Variants in SOX6 observed in about 807,000 individuals in gnomAD.
SOX6 encodes transcription factor SOX-6.
Under a neutral mutation model 97.8 loss-of-function variants are expected in SOX6, and 11 were observed. The ratio of observed to expected loss-of-function variants is 0.11; its 90% CI spans 0.07 to 0.19. The LOEUF is 0.19. Ranked by LOEUF, SOX6 falls within the 10% of genes least tolerant of loss-of-function variation. The pLI is 1.00. For missense variants in SOX6, 810 were observed against 1,039.5 expected (o/e 0.78, Z 3.04); for synonymous variants, 360 against 371.4 (o/e 0.97, Z 0.35).
At chr11:16,175,535 AC>A (rs1478902612) in intron 6 of SOX6, among the ~76,000 whole-genome samples, 1 of 151,936 alleles carries the variant, frequency 6.6e-6, no homozygotes, top group Non-Finnish European at 1.5e-5. Context: ...TAAATTACAT[AC>A]ATTCCGAAAT....
intron 4 of SOX6, among the ~76,000 whole-genome samples, chr11:16,603,000 A>G (rs1221932160): frequency 2.0e-5 from 3 of 152,154 alleles, no homozygotes; most frequent in African/African-American, 7.2e-5. Flanking sequence ...CAGCCGGGGC[A>G]ACAGAGCCAG....
At chr11:16,481,882 A>G (rs1860349547) in intron 4 of SOX6, among the ~76,000 whole-genome samples, 1 of 152,218 alleles carries the variant, frequency 6.6e-6, no homozygotes, top group Non-Finnish European at 1.5e-5. Flanking sequence ...GAGTTATTTT[A>G]AATAACAATA....
At chr11:16,441,119 C>T (rs1381205834) in intron 1 of SOX6, among the ~76,000 whole-genome samples, 8 of 152,024 alleles carry the variant, frequency 5.3e-5, no homozygotes, top group Non-Finnish European at 1.5e-5. Flanking sequence ...TTCCTGCTGC[C>T]CTCTCTTCCT....
chr11:16,517,536 T>C (rs1024591829), intron 4 of SOX6, among the ~76,000 whole-genome samples: 7 of 152,186 alleles, frequency 4.6e-5, no homozygotes, highest in Non-Finnish European at 1.0e-4. Flanking sequence ...CTCAAAATAG[T>C]ACTTTTGCTT....
intron 3 of SOX6, chr11:16,316,413 G>A (rs1855759535): frequency 6.6e-6 from 1 of 150,908 alleles, no homozygotes; most frequent in African/African-American, 2.4e-5. Context: ...AAAGATGCCT[G>A]AATTTCTGAT....
At chr11:16,470,209 T>C (rs1327514642) in intron 1 of SOX6, among the ~76,000 whole-genome samples, 1 of 152,120 alleles carries the variant, frequency 6.6e-6, no homozygotes, top group Non-Finnish European at 1.5e-5. Flanking sequence ...TCATGGAAAA[T>C]GGCATTCAAG....
At chr11:16,515,927 AC>A (rs999676296) in intron 4 of SOX6, among the ~76,000 whole-genome samples, 6 of 148,928 alleles carry the variant, frequency 4.0e-5, no homozygotes, top group African/African-American at 1.5e-4. Context: ...TGGTACCAGT[AC>A]CATGCTGTTT....
chr11:16,555,819 G>A (rs1271083061), intron 4 of SOX6, among the ~76,000 whole-genome samples: 7 of 151,400 alleles, frequency 4.6e-5, no homozygotes, highest in Admixed American at 4.6e-4. Flanking sequence ...ACATAAATAT[G>A]AACAAATTCA....
At chr11:16,225,923 ATG>A in intron 4 of SOX6, among the ~76,000 whole-genome samples, 1 of 152,208 alleles carries the variant, frequency 6.6e-6, no homozygotes, top group Non-Finnish European at 1.5e-5. Flanking sequence ...TATTTGATGT[ATG>A]CAGTTCCTAA....
intron 1 of SOX6, among the ~76,000 whole-genome samples, chr11:16,385,267 C>T (rs996260504): frequency 1.3e-5 from 2 of 152,078 alleles, no homozygotes; most frequent in African/African-American, 2.4e-5. Context: ...CAAAAGTTGA[C>T]ATTTCCAGGT....
chr11:16,248,107 C>T (rs1260245065), intron 3 of SOX6, among the ~76,000 whole-genome samples: 1 of 152,108 alleles, frequency 6.6e-6, no homozygotes, highest in Non-Finnish European at 1.5e-5. Context: ...CCAAAATGAC[C>T]TCCTTTGACT....
chr11:16,065,878 A>C (rs191401757), intron 9 of SOX6, among the ~76,000 whole-genome samples: 457 of 152,328 alleles, frequency 3.0e-3, no homozygotes, highest in Non-Finnish European at 6.1e-3. Flanking sequence ...GTAATATCCC[A>C]CAAGAACAGG....
chr11:16,495,313 A>G (rs760369027), intron 4 of SOX6, among the ~76,000 whole-genome samples: 13 of 152,080 alleles, frequency 8.5e-5, no homozygotes, highest in Non-Finnish European at 1.9e-4. Flanking sequence ...GTCCCCTCTC[A>G]AACATTCTGC....
chr11:16,471,078 C>G (rs999165434), intron 1 of SOX6, among the ~76,000 whole-genome samples: 2 of 150,418 alleles, frequency 1.3e-5, no homozygotes, highest in African/African-American at 4.9e-5. Flanking sequence ...AAACTATGTC[C>G]GATTTTTTTT....
At chr11:16,232,139 A>AT in intron 4 of SOX6, among the ~76,000 whole-genome samples, 1 of 152,034 alleles carries the variant, frequency 6.6e-6, no homozygotes, top group South Asian at 2.1e-4. Context: ...CCTCAAAGAT[A>AT]TAATTTAGGT....
At chr11:16,146,655 A>G (rs1850311627) in intron 6 of SOX6, among the ~76,000 whole-genome samples, 3 of 152,310 alleles carry the variant, frequency 2.0e-5, no homozygotes, top group South Asian at 2.1e-4. Flanking sequence ...CAAATTTACA[A>G]GAAAAAAACA....
At chr11:16,064,329 A>C (rs936580250) in intron 9 of SOX6, among the ~76,000 whole-genome samples, 4 of 151,700 alleles carry the variant, frequency 2.6e-5, no homozygotes, top group Non-Finnish European at 5.9e-5. Context: ...AAAAGAAGGC[A>C]CAACCTTACA....
At chr11:16,224,856 A>G (rs910342261) in intron 4 of SOX6, among the ~76,000 whole-genome samples, 1 of 152,030 alleles carries the variant, frequency 6.6e-6, no homozygotes, top group African/African-American at 2.4e-5. Flanking sequence ...GTAATTTACT[A>G]TATGATTTAG....
intron 3 of SOX6, among the ~76,000 whole-genome samples, chr11:16,643,235 G>T (rs1334329933): frequency 6.6e-6 from 1 of 152,206 alleles, no homozygotes; most frequent in Non-Finnish European, 1.5e-5. Flanking sequence ...AGCGAAGATT[G>T]GTGAACAGCA....
Sources: gnomAD v4.1 joint callset for allele counts (sites outside exome capture counted in the v4.1 genomes callset) on GRCh38, gnomAD v4.1.1 for gene constraint, MANE v1.5 for transcripts, NCBI Gene and HGNC (gene_info 2026-07-23, HGNC 2026-07-21) for gene names.